TTC34: variants seen among roughly 807,000 people sequenced by gnomAD.
TTC34 encodes the protein tetratricopeptide repeat protein 34.
Under a neutral mutation model 40.7 loss-of-function variants are expected in TTC34, and 44 were observed. That is an observed-to-expected ratio of 1.08 (90% CI 0.85 to 1.39). The LOEUF (loss-of-function observed/expected upper bound fraction) is 1.39. TTC34 is among the 40% of genes most tolerant of loss of function. The probability of loss-of-function intolerance (pLI) is 0.00; values close to 1 mark genes in which losing one functional copy is unlikely to be tolerated. For synonymous variants in TTC34, 422 were observed against 398.6 expected (o/e 1.06, Z -0.70); for missense variants, 884 against 838.0 (o/e 1.05, Z -0.68).
At chr1:2,778,320 C>G (rs545354766) in intron 6 of TTC34, among the ~76,000 whole-genome samples, 2 of 152,358 alleles carry the variant, frequency 1.3e-5, no homozygotes, top group African/African-American at 4.8e-5. Flanking sequence ...CTGCTCTTGG[C>G]TGGGAAGTGC....
rs1485306304 is a variant in TTC34 at position 2,749,284 on chromosome 1, C to G, written c.2226+34325G>C. Among the ~76,000 whole-genome samples, 5 of 69,116 alleles carry G rather than the reference C, an allele frequency of 7.2e-5. 1 individual carries two copies. The highest frequency in any genetic ancestry group is 1.3e-4 in the Non-Finnish European group (5 of 39,784). 45.3% of individuals were successfully genotyped at this position (69,116 alleles called of 152,430 possible). A position where few individuals can be genotyped will look rare whatever the true frequency, so the allele number is the denominator to read the frequency against. Reference sequence around the variant, plus strand: ...GATGGTCTGGAGCAGCACCCAAAACCACAGGTGAGCATCGGAGAGTCTGGA... The same window carrying G: ...GATGGTCTGGAGCAGCACCCAAAACGACAGGTGAGCATCGGAGAGTCTGGA... On this transcript the variant is annotated intron_variant, in intron 6 of 8. Coordinates refer to ENST00000401095, the Ensembl canonical transcript of TTC34.
intron 6 of TTC34, among the ~76,000 whole-genome samples, chr1:2,752,503 C>A (rs1323745348): frequency 4.4e-4 from 7 of 15,808 alleles, no homozygotes; most frequent in African/African-American, 8.6e-4. Flanking sequence ...GCCAGGTGAG[C>A]ATCTGACAGC....
At chr1:2,694,127 C>T (rs796480475) in intron 6 of TTC34, among the ~76,000 whole-genome samples, 581 of 124,390 alleles carry the variant, frequency 4.7e-3, no homozygotes, top group African/African-American at 9.7e-3. Context: ...GCGCACGTGA[C>T]AGCCTGGAAC....
chr1:2,694,406 GCCAGC>G, intron 6 of TTC34, among the ~76,000 whole-genome samples: 1 of 122,620 alleles, frequency 8.2e-6, no homozygotes, highest in Non-Finnish European at 1.7e-5. Flanking sequence ...GCGAGCATCC[GCCAGC>G]CTGGAAAAGC....
chr1:2,755,755 C>T (rs1641483219), intron 6 of TTC34, among the ~76,000 whole-genome samples: 7 of 141,260 alleles, frequency 5.0e-5, no homozygotes, highest in Non-Finnish European at 1.1e-4. Context: ...CCCAGGCGAG[C>T]ATCTGACAGC....
rs1376537950 is a variant in TTC34, at chr1:2,749,291, G to C, written c.2226+34318C>G. Among the ~76,000 whole-genome samples, 7 of 78,676 alleles carry C rather than the reference G, an allele frequency of 8.9e-5. 2 individuals are homozygous for C. The highest frequency in any genetic ancestry group is 8.2e-4 in the Admixed American group (7 of 8,562). 51.6% of individuals were successfully genotyped at this position (78,676 alleles called of 152,430 possible). A position where few individuals can be genotyped will look rare whatever the true frequency, so the allele number is the denominator to read the frequency against. ...TGGAGCAGCACCCAAAACCACAGGT[G>C]AGCATCGGAGAGTCTGGAACAGAAC... On this transcript the variant is annotated intron_variant, in intron 6 of 8. Transcript: ENST00000401095.
At chr1:2,683,384 A>C (rs531485001) in intron 6 of TTC34, among the ~76,000 whole-genome samples, 1 of 131,212 alleles carries the variant, frequency 7.6e-6, no homozygotes, top group African/African-American at 2.9e-5. Context: ...TTGGAACAGC[A>C]CCCACACGCC....
chr1:2,749,302 A>G (rs1208675668), intron 6 of TTC34, among the ~76,000 whole-genome samples: 1 of 67,370 alleles, frequency 1.5e-5, no homozygotes. Context: ...AGCATCGGAG[A>G]GTCTGGAACA....
Position 2,752,616 on chromosome 1 carries a change from C to A in TTC34, c.2226+30993G>T, listed in dbSNP as rs1179111223. Among the ~76,000 whole-genome samples, 24 of 114,954 alleles carry A rather than the reference C, an allele frequency of 2.1e-4. 6 individuals carry two copies. The highest frequency in any genetic ancestry group is 7.9e-4 in the African/African-American group (20 of 25,430). The allele number at this position is 114,954 out of a possible 152,430, so 75.4% of individuals were successfully genotyped here. ...CAACCTGGAACAGGACAAACACCCC[C>A]AGGCGAGCATCTGACACCCTGGAAC... On this transcript the variant is annotated intron_variant, in intron 6 of 8. Transcript: ENST00000401095.
intron 6 of TTC34, among the ~76,000 whole-genome samples, chr1:2,750,281 G>C (rs1192586235): frequency 0.06 from 242 of 4,038 alleles, no homozygotes; most frequent in East Asian, 0.073. Flanking sequence ...AAAGAGCCCA[G>C]ACCCCCAGGT....
rs530192045 is a variant in TTC34, at chr1:2,684,613, G to C, written c.2227-39050C>G. 5.9e-4 allele frequency among the ~76,000 whole-genome samples: 66 copies of C among 111,942 alleles called. 3 individuals are homozygous for C. Among genetic ancestry groups the C allele is most frequent in the African/African-American group, 2.7e-3 (63 of 23,618 alleles). 73.4% of individuals were successfully genotyped at this position (111,942 alleles called of 152,430 possible). A position where few individuals can be genotyped will look rare whatever the true frequency, so the allele number is the denominator to read the frequency against. On this transcript the variant is annotated intron_variant, in intron 6 of 8. Coordinates refer to ENST00000401095, the Ensembl canonical transcript of TTC34. ...CACCCATACCCCCAGGTGAGCATCT[G>C]ACCGCATGGAATGGCATCCTCACCT...
rs1643635317 is a variant in TTC34 at position 2,789,496 on chromosome 1, T to G, written c.1628+7A>C. The G allele has an allele frequency of 6.6e-7, 1 of 1,506,034 alleles. No homozygotes were observed. Among genetic ancestry groups the G allele is most frequent in the Non-Finnish European group, 8.8e-7 (1 of 1,131,402 alleles). 93.3% of individuals were successfully genotyped at this position (1,506,034 alleles called of 1,614,324 possible). A position where few individuals can be genotyped will look rare whatever the true frequency, so the allele number is the denominator to read the frequency against. On this transcript the variant is annotated splice_region_variant and intron_variant, in intron 3 of 8. Coordinates refer to ENST00000401095, the Ensembl canonical transcript of TTC34. The stretch of plus-strand genomic sequence containing the variant: ...AGCGGCCCCAGCGTGCCCGGGCGGG[T>G]CCTCACCCCTCCTGCGTGGTGGGGC...
At chr1:2,784,567 T>C (rs10909970) in intron 5 of TTC34, among the ~76,000 whole-genome samples, 10,815 of 152,180 alleles carry the variant, frequency 0.071, 872 homozygotes, top group African/African-American at 0.2. Context: ...CAGACACTGG[T>C]GTTACCACTT....
At chr1:2,786,290 C>G (rs1643588097) in intron 4 of TTC34, among the ~76,000 whole-genome samples, 1 of 152,252 alleles carries the variant, frequency 6.6e-6, no homozygotes, top group Non-Finnish European at 1.5e-5. Flanking sequence ...TCCACCAGCC[C>G]CTGGCTGTGT....
At chr1:2,691,116 T>C (rs1265385364) in intron 6 of TTC34, among the ~76,000 whole-genome samples, 2 of 68,172 alleles carry the variant, frequency 2.9e-5, no homozygotes, top group African/African-American at 1.0e-4. Context: ...GGTGAGCATC[T>C]GACAGCCTGG....
intron 6 of TTC34, among the ~76,000 whole-genome samples, chr1:2,653,779 A>G (rs796980678): frequency 1.7e-4 from 19 of 113,888 alleles, no homozygotes; most frequent in East Asian, 1.1e-3. Flanking sequence ...CCCCCAGGCG[A>G]GCATCTGACA....
intron 5 of TTC34, 74 bp from the exon 6 acceptor site, chr1:2,783,849 G>A (rs565655498): frequency 2.3e-5 from 31 of 1,328,756 alleles, no homozygotes; most frequent in African/African-American, 1.2e-4. Flanking sequence ...TGCCCAGCCC[G>A]GGGAGGGCAG....
chr1:2,685,844 G>T (rs1376241518), intron 6 of TTC34, among the ~76,000 whole-genome samples: 2 of 149,338 alleles, frequency 1.3e-5, no homozygotes, highest in African/African-American at 5.0e-5. Context: ...CCCATGCCCA[G>T]GTGAGCCTCT....
At chr1:2,753,038 T>G (rs1641376918) in intron 6 of TTC34, among the ~76,000 whole-genome samples, 21 of 149,880 alleles carry the variant, frequency 1.4e-4, no homozygotes, top group East Asian at 2.0e-4. Context: ...TCCGACAGCC[T>G]GGAGCAGCAC....
Sources: allele counts gnomAD v4.1 joint callset (sites outside exome capture counted in the v4.1 genomes callset), GRCh38; gene constraint gnomAD v4.1.1; transcripts MANE v1.5; gene names NCBI Gene and HGNC (gene_info 2026-07-23, HGNC 2026-07-21).